The following CCDC30 variants were observed in gnomAD, a reference collection of about 807,000 sequenced individuals.
CCDC30 encodes coiled-coil domain-containing protein 30.
Under a neutral mutation model 100.2 loss-of-function variants are expected in CCDC30, and 70 were observed. The observed-to-expected ratio is 0.70, with a 90% confidence interval of 0.58 to 0.85. CCDC30 has a LOEUF of 0.85. Among genes scored for constraint, CCDC30 ranks in the 40% least tolerant of loss-of-function variants. The pLI, the probability that CCDC30 is intolerant of heterozygous loss-of-function variation, is 0.00. For missense variants in CCDC30, 652 were observed against 771.2 expected, an observed-to-expected ratio of 0.85 and a Z score of 1.83; for synonymous variants, 233 against 269.5, an observed-to-expected ratio of 0.86 and a Z score of 1.33.
At chr1:42,653,949 C>T (rs1648562106) in exon 17 of CCDC30, 1 of 1,614,086 alleles carries the variant, frequency 6.2e-7, no homozygotes, top group Non-Finnish European at 8.5e-7. Context: ...TCACAGAATT[C>T]TGAGGCTGGA....
intron 6 of CCDC30, among the ~76,000 whole-genome samples, chr1:42,555,606 G>A (rs1325591241): frequency 6.6e-6 from 1 of 152,150 alleles, no homozygotes; most frequent in Non-Finnish European, 1.5e-5. Context: ...ATTTAAACTG[G>A]CAGTTTGGCT....
intron 6 of CCDC30, among the ~76,000 whole-genome samples, chr1:42,544,234 C>A (rs1393476792): frequency 2.0e-5 from 3 of 152,196 alleles, no homozygotes; most frequent in African/African-American, 7.2e-5. Context: ...ATCCTTTCTA[C>A]TCCCTGAAGG....
chr1:42,511,442 C>A (rs963952629), intron 6 of CCDC30, among the ~76,000 whole-genome samples: 4 of 152,078 alleles, frequency 2.6e-5, no homozygotes, highest in Non-Finnish European at 4.4e-5. Flanking sequence ...AAGCGTTTCC[C>A]CTTAGAGAAT....
intron 2 of CCDC30, among the ~76,000 whole-genome samples, chr1:42,481,003 G>T (rs2152313): frequency 0.38 from 58,346 of 151,566 alleles, 11,663 homozygotes; most frequent in East Asian, 0.59. Context: ...TCCAGTTACA[G>T]GGGAGGCTGA....
chr1:42,482,890 A>T, intron 3 of CCDC30, 74 bp downstream of exon 3: 1 of 953,038 alleles, frequency 1.0e-6, no homozygotes. Context: ...GTGGAACATG[A>T]GAAAAAAAAA....
At chr1:42,464,232 T>A (rs1017768387) in intron 1 of CCDC30, 1 of 152,198 alleles carries the variant, frequency 6.6e-6, no homozygotes, top group African/African-American at 2.4e-5. Context: ...ATATAAACAT[T>A]AAATACTGTA....
intron 6 of CCDC30, chr1:42,510,226 C>A: frequency 1.6e-6 from 1 of 608,260 alleles, no homozygotes; most frequent in Non-Finnish European, 2.1e-6. Context: ...TTTCTCTTTT[C>A]CTTTTGACCT....
chr1:42,521,863 G>A (rs898535093), intron 6 of CCDC30, among the ~76,000 whole-genome samples: 1 of 151,854 alleles, frequency 6.6e-6, no homozygotes, highest in African/African-American at 2.4e-5. Flanking sequence ...TATTAGTATA[G>A]TGTAGTAATT....
chr1:42,495,592 G>A (rs990538701), intron 4 of CCDC30, among the ~76,000 whole-genome samples: 3 of 151,948 alleles, frequency 2.0e-5, no homozygotes, highest in African/African-American at 7.3e-5. Flanking sequence ...CTACTCAGGA[G>A]GCTGAGGCAG....
the CCDC30 span, chr1:42,456,889 G>C: frequency 1.9e-6 from 3 of 1,612,546 alleles, no homozygotes; most frequent in African/African-American, 1.3e-5. Flanking sequence ...TGCGGCCTTC[G>C]GGCCCAGCCC....
chr1:42,525,544 T>A lies in CCDC30; in HGVS notation c.456+26628T>A, dbSNP rs201982507. Among the ~76,000 whole-genome samples the A allele has an allele frequency of 1.9e-4, 29 of 152,342 alleles. No individual in the cohort carries two copies. The East Asian group carries it at 5.2e-3, about 27-fold the overall frequency. ...TAAAAAATACATTGTCACTTCTAGGTCTGTTTCTATTCACTGATTTTTTTC... is the reference window on the plus strand; with the variant it reads ...TAAAAAATACATTGTCACTTCTAGGACTGTTTCTATTCACTGATTTTTTTC... On this transcript the variant is annotated intron_variant, in intron 6 of 16. Transcript: ENST00000668663.
the CCDC30 span, chr1:42,457,629 C>A: frequency 6.6e-5 from 29 of 441,398 alleles, no homozygotes; most frequent in Non-Finnish European, 1.0e-4. Flanking sequence ...GATGAAGCTT[C>A]TTGGAGGAGA....
At chr1:42,477,487 C>T (rs2148450219) in intron 1 of CCDC30, among the ~76,000 whole-genome samples, 1 of 152,288 alleles carries the variant, frequency 6.6e-6, no homozygotes, top group African/African-American at 2.4e-5. Flanking sequence ...CTCAGCCTCC[C>T]AAAGTGCTGG....
exon 12 of CCDC30, chr1:42,637,263 A>G: frequency 1.3e-6 from 2 of 1,585,772 alleles, no homozygotes; most frequent in Non-Finnish European, 1.7e-6. Context: ...CATCACCAAC[A>G]AAAAGTCAAG....
intron 7 of CCDC30, 59 bp from the exon 12 acceptor site, chr1:42,576,961 T>G (rs956946552): frequency 3.9e-6 from 5 of 1,289,232 alleles, no homozygotes; most frequent in Non-Finnish European, 5.5e-6. Context: ...AGCTGCTTAT[T>G]CTAGTTCACA....
intron 10 of CCDC30, among the ~76,000 whole-genome samples, chr1:42,607,666 A>T (rs539266218): frequency 6.6e-6 from 1 of 152,006 alleles, no homozygotes; most frequent in African/African-American, 2.4e-5. Context: ...AAAAAAAAAA[A>T]TCACAAAGGA....
chr1:42,488,211 A>T (rs1264155631), intron 3 of CCDC30, among the ~76,000 whole-genome samples: 2 of 152,210 alleles, frequency 1.3e-5, no homozygotes, highest in Non-Finnish European at 2.9e-5. Context: ...AGACTAAGAA[A>T]GTAAAACTCT....
exon 12 of CCDC30, chr1:42,637,339 T>C: frequency 6.3e-7 from 1 of 1,599,512 alleles, no homozygotes; most frequent in Non-Finnish European, 8.5e-7. Context: ...TTAACCAATT[T>C]GAAGATGAAA....
chr1:42,482,746 G>T, exon 3 of CCDC30: 1 of 1,233,980 alleles, frequency 8.1e-7, no homozygotes, highest in Non-Finnish European at 1.0e-6. Context: ...AGAAGTTAGG[G>T]GTGGCTCATG....
Sources: gnomAD v4.1 joint callset for allele counts (sites outside exome capture counted in the v4.1 genomes callset) on GRCh38, gnomAD v4.1.1 for gene constraint, MANE v1.5 for transcripts, NCBI Gene and HGNC (gene_info 2026-07-23, HGNC 2026-07-21) for gene names.